Variants in DST observed in about 807,000 individuals in gnomAD.
DST encodes the protein dystonin.
Under a neutral mutation model 875.2 loss-of-function variants are expected in DST, and 253 were observed. That is an observed-to-expected ratio of 0.29 (90% confidence interval 0.26 to 0.32). DST has a LOEUF of 0.32. DST is among the 10% of genes least tolerant of loss of function. The pLI is 1.00. For missense variants in DST, 8,287 were observed against 9,111.6 expected (o/e 0.91, Z 3.68); for synonymous variants, 3,124 against 3,197.1 (o/e 0.98, Z 0.77).
chr6:56,632,835 A>C lies in DST; in HGVS notation c.3805+19T>G, dbSNP rs1563326972. The C allele has an allele frequency of 1.2e-6, 2 of 1,604,386 alleles. No individual in the cohort carries two copies. The highest frequency in any genetic ancestry group is 1.7e-5 in the Admixed American group (1 of 60,006). Reference sequence around the variant, plus strand: ...TAAACACCTATGGGGAAAAAAAGACAGGGATCCCCATGCTTTACCTCTTTC... The same window carrying C: ...TAAACACCTATGGGGAAAAAAAGACCGGGATCCCCATGCTTTACCTCTTTC... On this transcript the variant is annotated intron_variant, in intron 28 of 103. Transcript: ENST00000680361.
chr6:56,629,241 GA>G lies in DST; in HGVS notation c.4475+8del, dbSNP rs2152755759. The stretch of plus-strand genomic sequence containing the variant: ...TCTGTGCTAAAACTGAACAAAAAAG[GA>G]TACTAACCTGTTGTCAATCTGCACA... On this transcript the variant is annotated splice_region_variant and intron_variant, in intron 32 of 103. Coordinates refer to ENST00000680361, the MANE Select transcript of DST (RefSeq NM_001374736.1). The G allele has an allele frequency of 6.2e-7, 1 of 1,613,318 alleles. No homozygotes were observed. Among genetic ancestry groups the G allele is most frequent in the Non-Finnish European group, 8.5e-7 (1 of 1,179,442 alleles).
At chr6:56,579,223 A>C (rs1280514732) in intron 49 of DST, among the ~76,000 whole-genome samples, 1 of 152,114 alleles carries the variant, frequency 6.6e-6, no homozygotes, top group Non-Finnish European at 1.5e-5. Context: ...ACAACCCTCT[A>C]ACTTTATACC....
At chr6:56,881,398 G>A (rs541515316) in intron 3 of DST, among the ~76,000 whole-genome samples, 2 of 152,144 alleles carry the variant, frequency 1.3e-5, no homozygotes, top group South Asian at 2.1e-4. Flanking sequence ...ACTTGAACCC[G>A]GGAGACAGAG....
At position 56,648,683 on chromosome 6, in the gene DST, C is replaced by A. The variant is rs1458665029; in HGVS notation, c.1441G>T (p.Glu481Ter). 1 of 1,567,386 alleles carries A rather than the reference C, an allele frequency of 6.4e-7. No homozygotes were observed. The highest frequency in any genetic ancestry group is 8.7e-7 in the Non-Finnish European group (1 of 1,153,764). ...GGEGIGANDV[E>*]VKWIEYQNMV... is the part of the protein sequence containing the mutation. Reference sequence around the variant, plus strand: ...TTCTGGTATTCAATCCATTTGACTTCAACATCCTAGAACAATCAAATGATA... The same window carrying A: ...TTCTGGTATTCAATCCATTTGACTTAAACATCCTAGAACAATCAAATGATA... Residue 481 changes from glutamate (E) to a stop codon, truncating the protein, a stop_gained, in exon 13 of 104, where the codon GAA becomes TAA. Transcript: ENST00000680361. LOFTEE classifies it high-confidence loss of function.
rs1044889503 is a variant in DST, at chr6:56,639,506, C to A, written c.2803G>T (p.Ala935Ser). Residue 935 changes from alanine to serine, a missense_variant, in exon 21 of 104, where the codon GCT (alanine) becomes TCT (serine). By Grantham distance (99) the Ala-to-Ser change is moderately conservative (BLOSUM62 1). This residue lies in a region of DST where 1,160 missense variants were observed against 1,424.3 expected (regional missense o/e 0.81). Transcript: ENST00000680361. ...GTGTTTCTCTCACTCCAGTCATAAGCAACTTCCTCCTCTTCTTTTTCATTC... is the reference window on the plus strand; with the variant it reads ...GTGTTTCTCTCACTCCAGTCATAAGAAACTTCCTCCTCTTCTTTTTCATTC... ...WLNEKEEEEV[A>S]YDWSERNTNI... 1.9e-6 allele frequency: 3 copies of A among 1,613,682 alleles called. No homozygotes were observed. The highest frequency in any genetic ancestry group is 3.3e-5 in the Admixed American group (2 of 59,980).
At chr6:56,563,048 T>C (rs776411615) in intron 55 of DST, among the ~76,000 whole-genome samples, 7 of 152,166 alleles carry the variant, frequency 4.6e-5, no homozygotes, top group Non-Finnish European at 1.0e-4. Context: ...GCGATAAACA[T>C]AGGTGTGTGT....
At chr6:56,776,663 A>G (rs1281738649) in intron 4 of DST, among the ~76,000 whole-genome samples, 1 of 152,156 alleles carries the variant, frequency 6.6e-6, no homozygotes. Flanking sequence ...TTTAATTTCA[A>G]AAGGGTCACA....
At chr6:56,888,963 C>T (rs1020898984) in intron 3 of DST, among the ~76,000 whole-genome samples, 7 of 152,190 alleles carry the variant, frequency 4.6e-5, no homozygotes, top group Non-Finnish European at 1.0e-4. Flanking sequence ...CTAGTCTCTA[C>T]CTGAGTGGCC....
intron 49 of DST, among the ~76,000 whole-genome samples, chr6:56,589,872 C>T (rs906989114): frequency 2.6e-5 from 4 of 152,076 alleles, no homozygotes; most frequent in Non-Finnish European, 5.9e-5. Flanking sequence ...AAATTGGATG[C>T]CCCAAAAATT....
At chr6:56,939,090 G>A (rs1025128769) in intron 2 of DST, among the ~76,000 whole-genome samples, 1 of 152,268 alleles carries the variant, frequency 6.6e-6, no homozygotes, top group Non-Finnish European at 1.5e-5. Flanking sequence ...GTTGAGTTTT[G>A]TGAAGTTGTC....
chr6:56,517,545 T>C lies in DST; in HGVS notation c.18205A>G (p.Arg6069Gly). 1.2e-6 allele frequency: 2 copies of C among 1,613,348 alleles called. No individual in the cohort carries two copies. The highest frequency in any genetic ancestry group is 1.7e-6 in the Non-Finnish European group (2 of 1,179,586). The stretch of plus-strand genomic sequence containing the variant: ...GCAGAAGTCTGGTCTTGCTCAAGCC[T>C]GATGTCACCCAGAGACATCAATTTT... ...EKKLMSLGDI[R>G]LEQDQTSAQL... Residue 6069 changes from arginine (R) to glycine (G), a missense_variant, in exon 70 of 104, where the codon AGG becomes GGG. Coordinates refer to ENST00000680361, the MANE Select transcript of DST (RefSeq NM_001374736.1).
At chr6:56,781,074 A>G (rs2099692657) in intron 4 of DST, among the ~76,000 whole-genome samples, 2 of 151,770 alleles carry the variant, frequency 1.3e-5, no homozygotes, top group Admixed American at 6.5e-5. Context: ...TGTTCTGTCC[A>G]TTGATCTATA....
intron 3 of DST, among the ~76,000 whole-genome samples, chr6:56,862,801 T>C (rs1279922614): frequency 1.3e-5 from 2 of 151,810 alleles, no homozygotes; most frequent in Non-Finnish European, 2.9e-5. Flanking sequence ...TGGAGGAAGG[T>C]AGGGCTGAGG....
At chr6:56,581,642 C>G (rs374674502) in intron 49 of DST, among the ~76,000 whole-genome samples, 40 of 152,336 alleles carry the variant, frequency 2.6e-4, no homozygotes, top group African/African-American at 8.9e-4. Context: ...AAGTGGGCTG[C>G]CTGGCCACAC....
chr6:56,723,137 G>C (rs536407146), intron 5 of DST, among the ~76,000 whole-genome samples: 1 of 152,126 alleles, frequency 6.6e-6, no homozygotes, highest in Non-Finnish European at 1.5e-5. Flanking sequence ...TATCATTCTG[G>C]GGGGCTGGCC....
intron 2 of DST, among the ~76,000 whole-genome samples, chr6:56,936,576 C>G (rs1472995140): frequency 1.3e-5 from 2 of 151,536 alleles, no homozygotes; most frequent in African/African-American, 2.4e-5. Context: ...TTTTTCTTTT[C>G]TCACAGCCCC....
rs1182483631 is a variant in DST at position 56,572,244 on chromosome 6, T to A, written c.13577A>T (p.Glu4526Val). The A allele has an allele frequency of 6.4e-7, 1 of 1,566,372 alleles. No individual in the cohort carries two copies. The change falls in exon 53 of 104, where the codon GAA becomes GTA. Residue 4526 changes from glutamate (E) to valine (V), a missense_variant. By Grantham distance (121) the Glu-to-Val change is moderately radical. This residue lies in a region of DST where 1,513 missense variants were observed against 1,677.8 expected (regional missense o/e 0.90). Transcript: ENST00000680361. ...CAAAACTTCAAGATGTTTCTTGTGT[T>A]CTAAAAATTCAGAAGTTGATTCCTA... Reference protein sequence around the residue: ...YMQESTSEFLEHKKHLEVLHS... With the variant: ...YMQESTSEFLVHKKHLEVLHS...
At chr6:56,854,274 C>A (rs1236210415) in intron 3 of DST, among the ~76,000 whole-genome samples, 1 of 152,004 alleles carries the variant, frequency 6.6e-6, no homozygotes, top group Non-Finnish European at 1.5e-5. Flanking sequence ...AATATGTTCT[C>A]TCACCCAAAG....
Position 56,597,843 on chromosome 6 carries a change from A to G in DST, c.12092T>C (p.Ile4031Thr), listed in dbSNP as rs895150079. 2.5e-6 allele frequency: 4 copies of G among 1,613,760 alleles called. No homozygotes were observed. The highest frequency in any genetic ancestry group is 2.2e-5 in the East Asian group (1 of 44,890). The change falls in exon 47 of 104, where the codon ATT becomes ACT. Residue 4031 changes from isoleucine (I) to threonine (T), a missense_variant. Transcript: ENST00000680361. ...HFQEGDGKSA[I>T]GEEDEVNGNL... is the part of the protein sequence containing the mutation. ...ACCATTAACTTCATCCTCTTCTCCA[A>G]TTGCTGACTTGCCATCACCTTCTTG...
Sources: gnomAD v4.1 joint callset for allele counts (sites outside exome capture counted in the v4.1 genomes callset) on GRCh38, gnomAD v4.1.1 for gene constraint, gnomAD v4.1.1 regional missense constraint, MANE v1.5 for transcripts, NCBI Gene and HGNC (gene_info 2026-07-23, HGNC 2026-07-21) for gene names.